The following SMG7 variants were observed in gnomAD, a reference collection of about 807,000 sequenced individuals.
The protein encoded by SMG7 is nonsense-mediated mRNA decay factor SMG7.
SMG7 carries 34 observed loss-of-function variants against 148.2 expected under a neutral mutation model. The ratio of observed to expected loss-of-function variants is 0.23; its 90% CI spans 0.17 to 0.31. The LOEUF (loss-of-function observed/expected upper bound fraction) is 0.31, where lower values mean the gene tolerates loss of function less well. Ranked by LOEUF, SMG7 falls within the 10% of genes least tolerant of loss-of-function variation. SMG7 has a pLI of 1.00. For missense variants in SMG7, 1,114 were observed against 1,408.4 expected, an observed-to-expected ratio of 0.79 and a Z score of 3.35; for synonymous variants, 492 against 515.1, an observed-to-expected ratio of 0.96 and a Z score of 0.61.
chr1:183,536,087 C>G (rs994357189), intron 10 of SMG7, among the ~76,000 whole-genome samples: 13 of 152,190 alleles, frequency 8.5e-5, no homozygotes, highest in Middle Eastern at 3.4e-3. Context: ...GTTTCTCTAT[C>G]CTGGGCACTT....
At chr1:183,549,370 GTTT>G (rs1670556753) in intron 19 of SMG7, 82 bp downstream of exon 19, 2 of 1,023,724 alleles carry the variant, frequency 2.0e-6, no homozygotes, top group Non-Finnish European at 3.0e-6. Context: ...CAGTATGTCT[GTTT>G]TTTCTTTATT....
intron 18 of SMG7, 96 bp from the exon 19 acceptor site, chr1:183,549,111 AC>A: frequency 1.2e-6 from 1 of 860,796 alleles, no homozygotes; most frequent in Non-Finnish European, 1.9e-6. Context: ...GTGGGCGAAT[AC>A]AGGCATGCTT....
At chr1:183,547,400 C>T (rs1414469244) in intron 18 of SMG7, 148 bp downstream of exon 18, 3 of 720,200 alleles carry the variant, frequency 4.2e-6, no homozygotes, top group Non-Finnish European at 6.5e-6. Context: ...CTAAACCAAC[C>T]TTAAGTTGGT....
rs967100032 is a variant in SMG7 at position 183,512,750 on chromosome 1, CCTAA to C, written c.30-84_30-81del. The C allele has an allele frequency of 1.0e-4, 128 of 1,255,000 alleles. No homozygotes were observed. In the African/African-American group the frequency reaches 1.7e-3, roughly 17 times the overall value. 77.7% of individuals were successfully genotyped at this position (1,255,000 alleles called of 1,614,324 possible). On this transcript the variant is annotated intron_variant, in intron 1 of 22. Transcript: ENST00000688051. Reference sequence around the variant, plus strand: ...ATCCTTATCGTAGTATATGATTTCACCTAACTTTTAGTGTTATTTATATGTTAGT... The same window carrying C: ...ATCCTTATCGTAGTATATGATTTCACCTTTTAGTGTTATTTATATGTTAGT...
In SMG7 at chr1:183,552,754, G is replaced by T; in HGVS notation, c.*823G>T. ...GTTTTTGATTCCTGTACATTTTACAGTCGCACAGCAAGCAGTCTCACAGAA... is the reference window on the plus strand; with the variant it reads ...GTTTTTGATTCCTGTACATTTTACATTCGCACAGCAAGCAGTCTCACAGAA... On this transcript the variant is annotated 3_prime_UTR_variant, in exon 23 of 23. Transcript: ENST00000688051. The T allele has an allele frequency of 3.6e-6, 5 of 1,383,564 alleles. No homozygotes were observed. Among genetic ancestry groups the T allele is most frequent in the Non-Finnish European group, 4.7e-6 (5 of 1,070,420 alleles). 85.7% of individuals were successfully genotyped at this position (1,383,564 alleles called of 1,614,324 possible).
rs1558080779 is a variant in SMG7, at chr1:183,553,222, TAGG to T, written c.*1296_*1298del. ...AATAAACTCTTTGTATGATATTTAT[TAGG>T]AGGAAAGAGGACTGAAAATGTTCTT... On this transcript the variant is annotated 3_prime_UTR_variant, in exon 23 of 23. Transcript: ENST00000688051. 6.6e-7 allele frequency: 1 copy of T among 1,523,188 alleles called. No individual in the cohort carries two copies. Among genetic ancestry groups the T allele is most frequent in the Admixed American group, 2.0e-5 (1 of 50,492 alleles). 94.4% of individuals were successfully genotyped at this position (1,523,188 alleles called of 1,614,324 possible).
chr1:183,546,512 A>T (rs932066581), intron 17 of SMG7, among the ~76,000 whole-genome samples, 175 bp downstream of exon 17: 6 of 152,198 alleles, frequency 3.9e-5, no homozygotes, highest in Non-Finnish European at 7.4e-5. Context: ...AGTATGTTTT[A>T]GTTTGGAAGC....
Position 183,529,656 on chromosome 1 carries a change from C to T in SMG7, c.843+123C>T, listed in dbSNP as rs536688770. ...GTGAACTATTGGTAAAAATTATATT[C>T]GAAGTATGTGAAATCTTTGCATTTA... On this transcript the variant is annotated intron_variant, in intron 8 of 22. Transcript: ENST00000688051. 2.5e-4 allele frequency: 178 copies of T among 719,236 alleles called. 1 individual carries two copies. The highest frequency in any genetic ancestry group is 1.7e-3 in the South Asian group (83 of 49,622). 44.6% of individuals were successfully genotyped at this position (719,236 alleles called of 1,614,324 possible). A position where few individuals can be genotyped will look rare whatever the true frequency, so the allele number is the denominator to read the frequency against.
chr1:183,549,713 C>T lies in SMG7; in HGVS notation c.2974-51C>T, dbSNP rs777545110. On this transcript the variant is annotated intron_variant, in intron 19 of 22. Coordinates refer to ENST00000688051, the MANE Select transcript of SMG7 (RefSeq NM_001375584.1). ...CCATGAACAAGACATTGGATTTTCT[C>T]AAATCTCTTTCCTTGGGGTGAGTTT... 22 of 1,508,124 alleles carry T rather than the reference C, an allele frequency of 1.5e-5. No individual in the cohort carries two copies. The Admixed American group carries it at 3.6e-4, about 25-fold the overall frequency. 93.4% of individuals were successfully genotyped at this position (1,508,124 alleles called of 1,614,324 possible). A position where few individuals can be genotyped will look rare whatever the true frequency, so the allele number is the denominator to read the frequency against.
In SMG7 at chr1:183,508,149, A is replaced by T. The variant is rs186205774; in HGVS notation, c.30-4688A>T. ...TGTAAACTTCAATGTTAATTCATTG[A>T]TGGTTTTTATAACAAAACCATAGAA... On this transcript the variant is annotated intron_variant, in intron 1 of 22. Transcript: ENST00000688051. 1.5e-4 allele frequency: 144 copies of T among 975,918 alleles called. No individual in the cohort carries two copies. In the African/African-American group the frequency reaches 2.4e-3, roughly 16 times the overall value. 60.5% of individuals were successfully genotyped at this position (975,918 alleles called of 1,614,324 possible).
intron 12 of SMG7, among the ~76,000 whole-genome samples, chr1:183,539,116 C>T (rs1668319586): frequency 1.3e-5 from 2 of 152,080 alleles, no homozygotes; most frequent in Non-Finnish European, 2.9e-5. Flanking sequence ...CACGCCACTG[C>T]ACTCCAGCCT....
chr1:183,526,684 C>A lies in SMG7; in HGVS notation c.401C>A (p.Thr134Lys). 1.2e-6 allele frequency: 2 copies of A among 1,613,620 alleles called. No homozygotes were observed. Among genetic ancestry groups the A allele is most frequent in the Middle Eastern group, 1.7e-4 (1 of 6,056 alleles). The change falls in exon 5 of 23, where the codon ACG (threonine) becomes AAG (lysine). Residue 134 changes from threonine to lysine, a missense_variant. Physicochemically the swap from Thr to Lys is moderately conservative, Grantham distance 78 (BLOSUM62 -1). This residue lies in a region of SMG7 where 216 missense variants were observed against 329.1 expected (regional missense o/e 0.66). Coordinates refer to ENST00000688051, the MANE Select transcript of SMG7 (RefSeq NM_001375584.1). ...SQLGIISNKQ[T>K]HTSAIVKPQS... ...TTGGGAATTATCAGCAATAAACAGA[C>A]GCATACCAGCGCCATAGTGAAGCCA...
At chr1:183,531,432 C>T (rs952258480) in intron 8 of SMG7, among the ~76,000 whole-genome samples, 1 of 152,018 alleles carries the variant, frequency 6.6e-6, no homozygotes, top group African/African-American at 2.4e-5. Context: ...GACTTTATTC[C>T]TTGGAAGACT....
intron 10 of SMG7, among the ~76,000 whole-genome samples, chr1:183,535,652 A>G (rs1667631972): frequency 1.3e-5 from 2 of 152,094 alleles, no homozygotes; most frequent in Admixed American, 6.6e-5. Context: ...GGCCTTCTCA[A>G]TTTCTAGAAT....
At chr1:183,477,530 A>G (rs1476271150) in intron 1 of SMG7, among the ~76,000 whole-genome samples, 3 of 145,018 alleles carry the variant, frequency 2.1e-5, no homozygotes, top group Admixed American at 6.8e-5. Flanking sequence ...GTGTGTGCAT[A>G]TGTGTATATA....
At chr1:183,481,428 T>C (rs1157739945) in intron 1 of SMG7, among the ~76,000 whole-genome samples, 1 of 152,198 alleles carries the variant, frequency 6.6e-6, no homozygotes, top group East Asian at 1.9e-4. Context: ...TGTAATTTCT[T>C]AATTTTGTAA....
At chr1:183,503,672 A>G (rs1660254880) in intron 1 of SMG7, among the ~76,000 whole-genome samples, 1 of 152,194 alleles carries the variant, frequency 6.6e-6, no homozygotes, top group South Asian at 2.1e-4. Flanking sequence ...CCAGTCAGTA[A>G]CCAGATTAGC....
intron 1 of SMG7, among the ~76,000 whole-genome samples, chr1:183,473,568 C>T (rs914551824): frequency 1.3e-5 from 2 of 152,046 alleles, no homozygotes; most frequent in African/African-American, 4.8e-5. Context: ...TGAAAGGTTC[C>T]ATGGAAGCTG....
intron 8 of SMG7, among the ~76,000 whole-genome samples, chr1:183,531,177 C>G (rs950948089): frequency 2.2e-4 from 33 of 152,076 alleles, no homozygotes; most frequent in Non-Finnish European, 4.0e-4. Flanking sequence ...ATTTCTAAAG[C>G]ATATGTAGAT....
Sources: allele counts gnomAD v4.1 joint callset (sites outside exome capture counted in the v4.1 genomes callset), GRCh38; gene constraint gnomAD v4.1.1; regional missense constraint gnomAD v4.1.1; transcripts MANE v1.5; gene names NCBI Gene and HGNC (gene_info 2026-07-23, HGNC 2026-07-21).